CLEC9A: variants seen among roughly 807,000 people sequenced by gnomAD.
CLEC9A encodes the protein C-type lectin domain containing 9A, also known as C-type lectin domain family 9 member A.
A neutral mutation model predicts 30.0 loss-of-function variants in CLEC9A; 24 were observed. The observed-to-expected ratio is 0.80, with a 90% confidence interval of 0.58 to 1.13. The LOEUF (loss-of-function observed/expected upper bound fraction) is 1.13, where lower values mean the gene tolerates loss of function less well. Ranked by LOEUF, CLEC9A falls within the 50% of genes most tolerant of loss-of-function variation. The pLI, the probability that CLEC9A is intolerant of heterozygous loss-of-function variation, is 0.00. For missense variants in CLEC9A, 251 were observed against 280.9 expected (o/e 0.89, Z 0.76); for synonymous variants, 111 against 96.8 (o/e 1.15, Z -0.86).
intron 2 of CLEC9A, among the ~76,000 whole-genome samples, chr12:10,050,459 T>C (rs1046995999): frequency 1.3e-5 from 2 of 152,240 alleles, no homozygotes; most frequent in African/African-American, 4.8e-5. Flanking sequence ...TCTATACTAA[T>C]GATAGTGCCT....
chr12:10,043,831 G>A (rs1408741193), intron 2 of CLEC9A, among the ~76,000 whole-genome samples: 3 of 151,996 alleles, frequency 2.0e-5, no homozygotes, highest in Admixed American at 6.6e-5. Context: ...ACAGGCACGC[G>A]CCACCACACC....
At chr12:10,056,519 A>T (rs1277576754) in intron 5 of CLEC9A, among the ~76,000 whole-genome samples, 1 of 152,144 alleles carries the variant, frequency 6.6e-6, no homozygotes, top group Non-Finnish European at 1.5e-5. Context: ...GTACCCCCTG[A>T]ATCTAAATAA....
At chr12:10,055,797 C>T (rs947225086) in intron 5 of CLEC9A, among the ~76,000 whole-genome samples, 3 of 151,916 alleles carry the variant, frequency 2.0e-5, no homozygotes, top group East Asian at 1.9e-4. Context: ...TGGCTCATGC[C>T]TGTAATCCCA....
intron 1 of CLEC9A, among the ~76,000 whole-genome samples, chr12:10,037,052 A>G (rs1183887345): frequency 6.6e-6 from 1 of 152,226 alleles, no homozygotes; most frequent in African/African-American, 2.4e-5. Flanking sequence ...ATAAAGACTC[A>G]GAACACTTCT....
At chr12:10,042,897 T>G (rs965335826) in intron 2 of CLEC9A, among the ~76,000 whole-genome samples, 1 of 152,252 alleles carries the variant, frequency 6.6e-6, no homozygotes, top group African/African-American at 2.4e-5. Flanking sequence ...TGTTCACATT[T>G]ATTCCTTTGA....
intron 7 of CLEC9A, 43 bp downstream of exon 7, chr12:10,063,249 T>C: frequency 6.9e-7 from 1 of 1,457,718 alleles, no homozygotes; most frequent in South Asian, 1.5e-5. Context: ...GAAAATATCA[T>C]TTTACTTATT....
chr12:10,060,836 C>T, intron 5 of CLEC9A: 3 of 263,348 alleles, frequency 1.1e-5, no homozygotes, highest in Non-Finnish European at 2.2e-5. Flanking sequence ...TTTGTTTTAT[C>T]TTATGTGTAA....
chr12:10,050,299 C>A lies in CLEC9A; in HGVS notation c.-162-1692C>A, dbSNP rs1163928219. On this transcript the variant is annotated intron_variant, in intron 2 of 8. Coordinates refer to ENST00000355819, the MANE Select transcript of CLEC9A (RefSeq NM_207345.4). Reference sequence around the variant, plus strand: ...TTATGAGAATTACCAATATGTGACACAGAGGCATAAAGTAACCATATGTTG... The same window carrying A: ...TTATGAGAATTACCAATATGTGACAAAGAGGCATAAAGTAACCATATGTTG... Among the ~76,000 whole-genome samples the A allele has an allele frequency of 2.0e-5, 3 of 152,252 alleles. No individual in the cohort carries two copies. In the South Asian group the frequency reaches 6.2e-4, roughly 32 times the overall value.
At chr12:10,062,048 T>C (rs1468431399) in intron 6 of CLEC9A, among the ~76,000 whole-genome samples, 1 of 152,210 alleles carries the variant, frequency 6.6e-6, no homozygotes, top group Non-Finnish European at 1.5e-5. Flanking sequence ...CAAACTCGGG[T>C]GAGGCCCACC....
chr12:10,045,602 C>T, intron 2 of CLEC9A: 1 of 279,766 alleles, frequency 3.6e-6, no homozygotes, highest in South Asian at 4.5e-5. Context: ...GGAAAGCTGG[C>T]ATGGCCAAGG....
intron 1 of CLEC9A, among the ~76,000 whole-genome samples, chr12:10,038,198 GC>G (rs1865759762): frequency 6.6e-6 from 1 of 152,120 alleles, no homozygotes; most frequent in Non-Finnish European, 1.5e-5. Flanking sequence ...TTGGAAATGA[GC>G]TTTTATTATT....
At position 10,063,226 on chromosome 12, in the gene CLEC9A, C is replaced by G; in HGVS notation, c.471+20C>G. 6.5e-7 allele frequency: 1 copy of G among 1,547,182 alleles called. No homozygotes were observed. The highest frequency in any genetic ancestry group is 8.7e-7 in the Non-Finnish European group (1 of 1,152,928). ...GAAATGGTAAACACTGTTTTGTGGTCTCATGTTATTCTGAAAATATCATTT... is the reference window on the plus strand; with the variant it reads ...GAAATGGTAAACACTGTTTTGTGGTGTCATGTTATTCTGAAAATATCATTT... On this transcript the variant is annotated intron_variant, in intron 7 of 8. Coordinates refer to ENST00000355819, the MANE Select transcript of CLEC9A (RefSeq NM_207345.4).
At chr12:10,054,401 C>T (rs1435531078) in intron 5 of CLEC9A, 50 bp downstream of exon 5, 1 of 1,180,468 alleles carries the variant, frequency 8.5e-7, no homozygotes, top group African/African-American at 1.6e-5. Context: ...ATATATAAAA[C>T]TTCATAATTT....
chr12:10,054,212 C>T (rs904073514), intron 4 of CLEC9A, 59 bp from the exon 5 acceptor site: 6 of 1,312,460 alleles, frequency 4.6e-6, no homozygotes, highest in Non-Finnish European at 6.6e-6. Context: ...TCTATCCTTG[C>T]CCCGTCTTTT....
intron 1 of CLEC9A, among the ~76,000 whole-genome samples, chr12:10,032,762 C>T (rs1865711285): frequency 6.6e-6 from 1 of 152,134 alleles, no homozygotes; most frequent in Non-Finnish European, 1.5e-5. Context: ...TTCATCTCCA[C>T]TTGTTCACTC....
intron 1 of CLEC9A, among the ~76,000 whole-genome samples, chr12:10,032,729 C>T (rs1437402338): frequency 6.6e-6 from 1 of 151,988 alleles, no homozygotes; most frequent in East Asian, 1.9e-4. Context: ...TTCTTTGGTT[C>T]GCTCTGGCAC....
intron 1 of CLEC9A, among the ~76,000 whole-genome samples, chr12:10,032,321 C>T (rs1417263784): frequency 1.3e-5 from 2 of 151,866 alleles, no homozygotes; most frequent in Non-Finnish European, 2.9e-5. Flanking sequence ...CCAAAGATCC[C>T]GTAACATAAT....
chr12:10,034,813 G>A (rs1314628488), intron 1 of CLEC9A, among the ~76,000 whole-genome samples: 5 of 152,198 alleles, frequency 3.3e-5, no homozygotes, highest in Admixed American at 6.5e-5. Flanking sequence ...GCCCCAGTGG[G>A]CGTGTGTTAC....
chr12:10,047,207 CTGTT>C, intron 2 of CLEC9A, among the ~76,000 whole-genome samples: 1 of 152,300 alleles, frequency 6.6e-6, no homozygotes, highest in East Asian at 1.9e-4. Context: ...TTATTTTTAA[CTGTT>C]TATTTAGAGA....
Sources: allele counts gnomAD v4.1 joint callset (sites outside exome capture counted in the v4.1 genomes callset), GRCh38; gene constraint gnomAD v4.1.1; transcripts MANE v1.5; gene names NCBI Gene and HGNC (gene_info 2026-07-23, HGNC 2026-07-21).